The following CASZ1 variants were observed in gnomAD, a reference collection of about 807,000 sequenced individuals.
CASZ1 encodes zinc finger protein castor homolog 1.
In CASZ1, 28 loss-of-function variants were observed where a neutral mutation model predicts 135.2. The ratio of observed to expected loss-of-function variants is 0.21; its 90% confidence interval spans 0.15 to 0.28. The LOEUF (loss-of-function observed/expected upper bound fraction) is 0.28, where lower values mean the gene tolerates loss of function less well. CASZ1 is among the 10% of genes least tolerant of loss of function. The pLI, the probability that CASZ1 is intolerant of heterozygous loss-of-function variation, is 1.00. For synonymous variants in CASZ1, 1,068 were observed against 1,073.4 expected, an observed-to-expected ratio of 0.99 and a Z score of 0.10; for missense variants, 2,161 against 2,453.3, an observed-to-expected ratio of 0.88 and a Z score of 2.52.
In CASZ1 at chr1:10,767,880, T is replaced by C. The variant is rs1483666906; in HGVS notation, c.-233-7023A>G. Reference sequence around the variant, plus strand: ...CATGAGGAGGGCCACGACCCTGGCATCACCCCAGTCCCCCAACGCCCACTC... The same window carrying C: ...CATGAGGAGGGCCACGACCCTGGCACCACCCCAGTCCCCCAACGCCCACTC... On this transcript the variant is annotated intron_variant, in intron 1 of 20. Coordinates refer to ENST00000377022, the MANE Select transcript of CASZ1 (RefSeq NM_001079843.3). The surrounding 1 kb of genome is among the most constrained non-coding windows in gnomAD (Gnocchi z 4.2). 1.4e-5 allele frequency among the ~76,000 whole-genome samples: 2 copies of C among 144,042 alleles called. No individual in the cohort carries two copies. The highest frequency in any genetic ancestry group is 3.1e-5 in the Non-Finnish European group (2 of 63,642). The allele number at this position is 144,042 out of a possible 152,430, so 94.5% of individuals were successfully genotyped here. A position where few individuals can be genotyped will look rare whatever the true frequency, so the allele number is the denominator to read the frequency against.
At position 10,653,803 on chromosome 1, in the gene CASZ1, C is replaced by G; in HGVS notation, c.2254G>C (p.Ala752Pro). 1 of 1,609,466 alleles carries G rather than the reference C, an allele frequency of 6.2e-7. No homozygotes were observed. Among genetic ancestry groups the G allele is most frequent in the South Asian group, 1.1e-5 (1 of 90,628 alleles). The change falls in exon 11 of 21, where the codon GCT (alanine) becomes CCT (proline). Residue 752 changes from alanine to proline, a missense_variant. This residue lies in a region of CASZ1 where 406 missense variants were observed against 387.6 expected (regional missense o/e 1.05). Transcript: ENST00000377022. ...PTSQQSSASL[A>P]AATAATEAGP... ...GCCTCGGTGGCGGCAGTGGCGGCAG[C>G]CAGGGACGCAGAGGACTGCTGGCTG...
rs1642051957 is a variant in CASZ1, at chr1:10,638,001, A to AG, written c.*940dup. The AG allele has an allele frequency of 6.6e-6, 1 of 152,450 alleles. No individual in the cohort carries two copies. The allele number at this position is 152,450 out of a possible 1,614,324, so 9.4% of individuals were successfully genotyped here. ...ATTGTGAAGACAGACAGCCTCAAAC[A>AG]GTTAAGGCCTCTACAAAAACCCTGG... On this transcript the variant is annotated 3_prime_UTR_variant, in exon 21 of 21. Coordinates refer to ENST00000377022, the MANE Select transcript of CASZ1 (RefSeq NM_001079843.3). The surrounding 1 kb of genome is among the most constrained non-coding windows in gnomAD (Gnocchi z 5.9).
Position 10,665,072 on chromosome 1 carries a change from C to T in CASZ1, c.505+11G>A. 6.7e-7 allele frequency: 1 copy of T among 1,501,520 alleles called. No homozygotes were observed. Among genetic ancestry groups the T allele is most frequent in the Non-Finnish European group, 8.9e-7 (1 of 1,126,232 alleles). The allele number at this position is 1,501,520 out of a possible 1,614,324, so 93.0% of individuals were successfully genotyped here. A position where few individuals can be genotyped will look rare whatever the true frequency, so the allele number is the denominator to read the frequency against. ...TGGCCTTCAGCCTCCCTTCGAAGGC[C>T]AGGCACCCACCTGAAGCCTGCCTGG... is the stretch of plus-strand genomic sequence containing the variant. On this transcript the variant is annotated intron_variant, in intron 5 of 20. Transcript: ENST00000377022.
intron 2 of CASZ1, among the ~76,000 whole-genome samples, chr1:10,754,508 G>A (rs1430364857): frequency 6.6e-6 from 1 of 152,198 alleles, no homozygotes; most frequent in Non-Finnish European, 1.5e-5. Flanking sequence ...GGCTCCTCAA[G>A]CATCCAGTTC....
At position 10,644,860 on chromosome 1, in the gene CASZ1, G is replaced by A. The variant is rs1570399903; in HGVS notation, c.3868+57C>T. 5.8e-6 allele frequency: 9 copies of A among 1,549,430 alleles called. No homozygotes were observed. The South Asian group carries it at 8.6e-5, about 15-fold the overall frequency. ...CCAGGAGAGGCGGCCCAGGCCACGG[G>A]GGCCATGGTCTTGATGCCTGCTGCA... On this transcript the variant is annotated intron_variant, in intron 18 of 20. Coordinates refer to ENST00000377022, the MANE Select transcript of CASZ1 (RefSeq NM_001079843.3).
At chr1:10,703,430 C>T (rs1474467291) in intron 3 of CASZ1, among the ~76,000 whole-genome samples, 1 of 152,168 alleles carries the variant, frequency 6.6e-6, no homozygotes, top group Non-Finnish European at 1.5e-5. Flanking sequence ...CTGCTTGCCC[C>T]TCAGCAGCTC....
Position 10,701,193 on chromosome 1 carries a change from C to A in CASZ1, c.-24+4299G>T, listed in dbSNP as rs964133379. On this transcript the variant is annotated intron_variant, in intron 3 of 20. Transcript: ENST00000377022. The surrounding 1 kb of genome is among the most constrained non-coding windows in gnomAD (Gnocchi z 6.3). Reference sequence around the variant, plus strand: ...GGTGGGGCTCCTGGGCAGCTGCTCCCTGGCAGGGAAGCGGGTACGTGGCCC... The same window carrying A: ...GGTGGGGCTCCTGGGCAGCTGCTCCATGGCAGGGAAGCGGGTACGTGGCCC... Among the ~76,000 whole-genome samples the A allele has an allele frequency of 1.3e-5, 2 of 152,204 alleles. No homozygotes were observed. The highest frequency in any genetic ancestry group is 1.5e-5 in the Non-Finnish European group (1 of 68,022).
Position 10,660,191 on chromosome 1 carries a change from T to C in CASZ1, c.851A>G (p.His284Arg). The C allele has an allele frequency of 6.2e-7, 1 of 1,613,482 alleles. No individual in the cohort carries two copies. The highest frequency in any genetic ancestry group is 8.5e-7 in the Non-Finnish European group (1 of 1,179,900). ...CAGGATGGTGGCCTTGGTCTCCAGG[T>C]GGGCCGTGCTGCTGGGCAGCCGCAG... ...PGLRLPSSTAHLETKATILPL... is the reference protein window; with the variant it reads ...PGLRLPSSTARLETKATILPL... The change falls in exon 6 of 21, where the codon CAC becomes CGC. Residue 284 changes from histidine (H) to arginine (R), a missense_variant. Physicochemically the swap from His to Arg is conservative, Grantham distance 29 (BLOSUM62 0). This residue lies in a region of CASZ1 where 590 missense variants were observed against 609.8 expected (regional missense o/e 0.97). Transcript: ENST00000377022.
intron 1 of CASZ1, among the ~76,000 whole-genome samples, chr1:10,761,125 G>A (rs923019090): frequency 6.6e-6 from 1 of 152,244 alleles, no homozygotes; most frequent in Non-Finnish European, 1.5e-5. Context: ...GAAGCAAACA[G>A]GTAGAAACAA....
At chr1:10,661,746 A>C (rs1437936247) in intron 5 of CASZ1, among the ~76,000 whole-genome samples, 2 of 150,866 alleles carry the variant, frequency 1.3e-5, no homozygotes, top group Non-Finnish European at 3.0e-5. Flanking sequence ...ATACACATGC[A>C]TTCTCATACT....
intron 3 of CASZ1, chr1:10,704,631 G>A (rs1298196820): frequency 6.6e-6 from 1 of 152,322 alleles, no homozygotes; most frequent in Non-Finnish European, 1.5e-5. Context: ...CGAAACGCGA[G>A]AGACAAAGGG....
At chr1:10,795,587 G>A (rs1050774926) in intron 1 of CASZ1, among the ~76,000 whole-genome samples, 9 of 152,162 alleles carry the variant, frequency 5.9e-5, no homozygotes, top group African/African-American at 2.2e-4. Context: ...ACAACAGCCG[G>A]CAACAACTCG....
At position 10,727,800 on chromosome 1, in the gene CASZ1, C is replaced by A. The variant is rs1237050384; in HGVS notation, c.-76-22256G>T. ...CTGCCAGGGCTGCCCTCAGCCCTTG[C>A]CCAGACTGTGCCGACCTGGGAACCT... On this transcript the variant is annotated intron_variant, in intron 2 of 20. Coordinates refer to ENST00000377022, the MANE Select transcript of CASZ1 (RefSeq NM_001079843.3). This position sits in a 1 kb window ranked among gnomAD's most constrained non-coding sequence, Gnocchi z 5.3. Among the ~76,000 whole-genome samples, 14 of 152,212 alleles carry A rather than the reference C, an allele frequency of 9.2e-5. No homozygotes were observed. The highest frequency in any genetic ancestry group is 3.3e-4 in the Admixed American group (5 of 15,294).
Position 10,647,671 on chromosome 1 carries a change from C to T in CASZ1, c.3497+130G>A, listed in dbSNP as rs578130626. ...TGGCTAGAAGGACATCACCCGATGG[C>T]CATGCCCCAGAGAGGCTGGGGACAG... On this transcript the variant is annotated intron_variant, in intron 16 of 20. Coordinates refer to ENST00000377022, the MANE Select transcript of CASZ1 (RefSeq NM_001079843.3). The surrounding 1 kb of genome is among the most constrained non-coding windows in gnomAD (Gnocchi z 4.9). 3.3e-6 allele frequency: 5 copies of T among 1,504,514 alleles called. No homozygotes were observed. The highest frequency in any genetic ancestry group is 2.1e-5 in the Admixed American group (1 of 47,946). The allele number at this position is 1,504,514 out of a possible 1,614,324, so 93.2% of individuals were successfully genotyped here.
In CASZ1 at chr1:10,685,023, G is replaced by C. The variant is rs147528207; in HGVS notation, c.16+8851C>G. Among the ~76,000 whole-genome samples, 737 of 152,336 alleles carry C rather than the reference G, an allele frequency of 4.8e-3. 4 individuals carry two copies. The highest frequency in any genetic ancestry group is 0.016 in the African/African-American group (677 of 41,578). On this transcript the variant is annotated intron_variant, in intron 4 of 20. Transcript: ENST00000377022. Reference sequence around the variant, plus strand: ...TGGAGCTGTCTTGCCTGAAACCCTTGCATTTATCAGATGAGCATGGCCTCC... The same window carrying C: ...TGGAGCTGTCTTGCCTGAAACCCTTCCATTTATCAGATGAGCATGGCCTCC...
chr1:10,693,282 G>A (rs1296072942), intron 4 of CASZ1, among the ~76,000 whole-genome samples: 2 of 151,942 alleles, frequency 1.3e-5, no homozygotes, highest in African/African-American at 4.8e-5. Flanking sequence ...CAGATTCTCA[G>A]GTGAAAAATA....
chr1:10,794,176 CGTGTGTGT>C lies in CASZ1; in HGVS notation c.-234+2380_-234+2387del, dbSNP rs4002551. On this transcript the variant is annotated intron_variant, in intron 1 of 20. Transcript: ENST00000377022. This position sits in a 1 kb window ranked among gnomAD's most constrained non-coding sequence, Gnocchi z 5.6. ...GTGTGTGCGTGTTTGTATGTGTATGCGTGTGTGTGTGTGTGTGTGTGTGCGCGCGCGCG... is the reference window on the plus strand; with the variant it reads ...GTGTGTGCGTGTTTGTATGTGTATGCGTGTGTGTGTGTGTGCGCGCGCGCG... 1.4e-4 allele frequency among the ~76,000 whole-genome samples: 21 copies of C among 148,406 alleles called. No individual in the cohort carries two copies. Among genetic ancestry groups the C allele is most frequent in the Non-Finnish European group, 2.4e-4 (16 of 66,680 alleles).
chr1:10,671,337 C>G (rs999456646), intron 4 of CASZ1, among the ~76,000 whole-genome samples: 1 of 152,226 alleles, frequency 6.6e-6, no homozygotes, highest in Admixed American at 6.5e-5. Flanking sequence ...CGCGCACACA[C>G]GCTCGGATGC....
intron 2 of CASZ1, among the ~76,000 whole-genome samples, chr1:10,733,627 A>C (rs1027532230): frequency 1.3e-5 from 2 of 152,202 alleles, no homozygotes; most frequent in Non-Finnish European, 2.9e-5. Context: ...AGCTGTGGGA[A>C]TATATGAAGA....
Sources: allele counts gnomAD v4.1 joint callset (sites outside exome capture counted in the v4.1 genomes callset), GRCh38; gene constraint gnomAD v4.1.1; regional missense constraint gnomAD v4.1.1; non-coding constraint Gnocchi (gnomAD v3.1); transcripts MANE v1.5; gene names NCBI Gene and HGNC (gene_info 2026-07-23, HGNC 2026-07-21).